STXBP5L: variants seen among roughly 807,000 people sequenced by gnomAD.
STXBP5L encodes syntaxin-binding protein 5-like.
In STXBP5L, 65 loss-of-function variants were observed where a neutral mutation model predicts 144.5. The ratio of observed to expected loss-of-function variants is 0.45; its 90% CI spans 0.37 to 0.55. The LOEUF is 0.55. Ranked by LOEUF, STXBP5L falls within the 20% of genes least tolerant of loss-of-function variation. The pLI is 0.00. For synonymous variants in STXBP5L, 505 were observed against 469.6 expected, an observed-to-expected ratio of 1.08 and a Z score of -0.97; for missense variants, 1,298 against 1,405.5, an observed-to-expected ratio of 0.92 and a Z score of 1.22.
intron 3 of STXBP5L, among the ~76,000 whole-genome samples, chr3:121,011,128 C>T (rs1451248231): frequency 6.6e-6 from 1 of 150,438 alleles, no homozygotes; most frequent in East Asian, 1.9e-4. Context: ...GAGGTAGTTA[C>T]AGCATCTCAA....
chr3:121,107,265 A>T (rs777967131), intron 5 of STXBP5L, among the ~76,000 whole-genome samples: 1 of 151,818 alleles, frequency 6.6e-6, no homozygotes, highest in Non-Finnish European at 1.5e-5. Context: ...ATTGCTTTTG[A>T]TGTTTTCATC....
At chr3:120,951,532 C>T (rs1174815411) in intron 2 of STXBP5L, among the ~76,000 whole-genome samples, 3 of 152,066 alleles carry the variant, frequency 2.0e-5, no homozygotes, top group Non-Finnish European at 4.4e-5. Flanking sequence ...GACATTTATG[C>T]AGCCAAAAAA....
intron 20 of STXBP5L, 51 bp from the exon 21 acceptor site, chr3:121,378,665 G>A (rs2046251957): frequency 1.9e-6 from 3 of 1,575,300 alleles, no homozygotes; most frequent in Non-Finnish European, 2.6e-6. Context: ...GTATTCCTTT[G>A]TATTAAGAGT....
At chr3:120,942,937 T>C (rs940974835) in intron 2 of STXBP5L, among the ~76,000 whole-genome samples, 2 of 151,694 alleles carry the variant, frequency 1.3e-5, no homozygotes, top group Admixed American at 6.6e-5. Context: ...CTGCTAAATT[T>C]CATCAAATGC....
At chr3:120,975,668 T>C (rs1940896562) in intron 3 of STXBP5L, among the ~76,000 whole-genome samples, 1 of 152,210 alleles carries the variant, frequency 6.6e-6, no homozygotes, top group African/African-American at 2.4e-5. Flanking sequence ...CAGTACGATA[T>C]TGGCTGTAGG....
At chr3:121,167,000 G>A (rs1218231372) in intron 9 of STXBP5L, among the ~76,000 whole-genome samples, 3 of 123,176 alleles carry the variant, frequency 2.4e-5, no homozygotes, top group African/African-American at 7.1e-5. Context: ...GAAAAAAAAC[G>A]AAGGAGCCTA....
intron 20 of STXBP5L, among the ~76,000 whole-genome samples, chr3:121,334,197 C>G (rs531318209): frequency 6.6e-6 from 1 of 152,104 alleles, no homozygotes; most frequent in Non-Finnish European, 1.5e-5. Context: ...TTATCTCTGT[C>G]TTTTGTAAAT....
intron 25 of STXBP5L, among the ~76,000 whole-genome samples, 167 bp from the exon 26 acceptor site, chr3:121,418,167 TTTC>T (rs1275894465): frequency 6.6e-6 from 1 of 152,216 alleles, no homozygotes; most frequent in African/African-American, 2.4e-5. Flanking sequence ...TCTTAGCATT[TTTC>T]TTAAGTGCTA....
intron 20 of STXBP5L, among the ~76,000 whole-genome samples, chr3:121,323,483 T>C (rs1032848097): frequency 1.3e-5 from 2 of 152,092 alleles, no homozygotes; most frequent in Non-Finnish European, 2.9e-5. Flanking sequence ...TTGAGGATAA[T>C]ACAGGAGAAA....
At chr3:121,069,483 G>T (rs2041705403) in intron 5 of STXBP5L, among the ~76,000 whole-genome samples, 2 of 151,954 alleles carry the variant, frequency 1.3e-5, no homozygotes, top group Non-Finnish European at 2.9e-5. Context: ...GTGAACATAA[G>T]TTTTCGTCTC....
At chr3:121,369,334 T>C (rs2045958825) in intron 20 of STXBP5L, among the ~76,000 whole-genome samples, 1 of 118,462 alleles carries the variant, frequency 8.4e-6, no homozygotes, top group African/African-American at 3.3e-5. Context: ...AGAATCCTCC[T>C]GTTTGGCTTT....
In STXBP5L at chr3:121,112,644, G is replaced by T. The variant is rs541015109; in HGVS notation, c.471-2281G>T. ...CCGGCAACAATACTTTTTTTATAAA[G>T]AGTTATTCGGTGAAGATTGAATAAA... On this transcript the variant is annotated intron_variant, in intron 5 of 26. Coordinates refer to ENST00000471454, the MANE Select transcript of STXBP5L (RefSeq NM_001308330.2). Among the ~76,000 whole-genome samples, 16 of 151,994 alleles carry T rather than the reference G, an allele frequency of 1.1e-4. No homozygotes were observed. The South Asian group carries it at 3.3e-3, about 32-fold the overall frequency.
chr3:121,346,649 T>G (rs551382957), intron 20 of STXBP5L, among the ~76,000 whole-genome samples: 10 of 152,296 alleles, frequency 6.6e-5, no homozygotes, highest in South Asian at 6.2e-4. Context: ...CCATTCTAAC[T>G]GGTGTGAGAT....
intron 2 of STXBP5L, among the ~76,000 whole-genome samples, chr3:120,913,576 A>G (rs1369517676): frequency 2.0e-5 from 3 of 152,104 alleles, no homozygotes; most frequent in Non-Finnish European, 4.4e-5. Flanking sequence ...TACAATTTAC[A>G]AATCATTTGA....
At chr3:121,125,825 C>A (rs1463424418) in intron 7 of STXBP5L, among the ~76,000 whole-genome samples, 3 of 152,132 alleles carry the variant, frequency 2.0e-5, no homozygotes, top group Non-Finnish European at 4.4e-5. Context: ...CCAAAGGGGT[C>A]AAATGACACA....
Position 120,955,038 on chromosome 3 carries a change from G to T in STXBP5L, c.287+1G>T. 6.2e-7 allele frequency: 1 copy of T among 1,609,964 alleles called. No homozygotes were observed. The highest frequency in any genetic ancestry group is 8.5e-7 in the Non-Finnish European group (1 of 1,177,560). The stretch of plus-strand genomic sequence containing the variant: ...GGACGAGAACAGGTGCTATACGAAT[G>T]TATCCTTAAATTTTGGTTCATTATC... On this transcript the variant is annotated splice_donor_variant, in intron 3 of 26. Coordinates refer to ENST00000471454, the MANE Select transcript of STXBP5L (RefSeq NM_001308330.2). LOFTEE classifies it high-confidence loss of function.
At chr3:121,104,006 A>T (rs891018721) in intron 5 of STXBP5L, among the ~76,000 whole-genome samples, 7 of 152,194 alleles carry the variant, frequency 4.6e-5, no homozygotes, top group Non-Finnish European at 1.0e-4. Flanking sequence ...CTGAAGGACT[A>T]TGAGTGTGTC....
At chr3:121,153,239 C>A (rs2045991794) in intron 8 of STXBP5L, among the ~76,000 whole-genome samples, 1 of 151,848 alleles carries the variant, frequency 6.6e-6, no homozygotes. Context: ...AATATTAATT[C>A]CGGGCCATTA....
At chr3:121,205,836 A>G (rs1054854050) in intron 9 of STXBP5L, 87 bp from the exon 10 acceptor site, 6 of 617,026 alleles carry the variant, frequency 9.7e-6, no homozygotes, top group Non-Finnish European at 1.6e-5. Context: ...TTATTCCTTT[A>G]TCTTTAAATT....
Sources: allele counts gnomAD v4.1 joint callset (sites outside exome capture counted in the v4.1 genomes callset), GRCh38; gene constraint gnomAD v4.1.1; transcripts MANE v1.5; gene names NCBI Gene and HGNC (gene_info 2026-07-23, HGNC 2026-07-21).